The following HSD17B2 variants were observed in gnomAD, a reference collection of about 807,000 sequenced individuals.
HSD17B2 encodes the protein 17-beta-hydroxysteroid dehydrogenase type 2.
In HSD17B2, 32 loss-of-function variants were observed where a neutral mutation model predicts 26.9. That is an observed-to-expected ratio of 1.19 (90% CI 0.90 to 1.60). HSD17B2 has a LOEUF of 1.60. Ranked by LOEUF, HSD17B2 falls within the 40% of genes most tolerant of loss-of-function variation. The pLI is 0.00. For synonymous variants in HSD17B2, 246 were observed against 186.7 expected, an observed-to-expected ratio of 1.32 and a Z score of -2.59; for missense variants, 613 against 468.6, an observed-to-expected ratio of 1.31 and a Z score of -2.85.
At chr16:82,083,977 A>G (rs1303523657) in intron 3 of HSD17B2, among the ~76,000 whole-genome samples, 1 of 152,198 alleles carries the variant, frequency 6.6e-6, no homozygotes, top group African/African-American at 2.4e-5. Flanking sequence ...TTTGAGGCCT[A>G]AAGTCGCCAG....
chr16:82,053,046 C>T (rs971712508), intron 1 of HSD17B2, among the ~76,000 whole-genome samples: 1 of 152,238 alleles, frequency 6.6e-6, no homozygotes, highest in Non-Finnish European at 1.5e-5. Flanking sequence ...CTAATTACCT[C>T]CCAAAGGCTC....
intron 1 of HSD17B2, among the ~76,000 whole-genome samples, chr16:82,064,830 C>G (rs57362890): frequency 1.3e-5 from 2 of 152,204 alleles, no homozygotes; most frequent in African/African-American, 4.8e-5. Context: ...AGCTTTGCCT[C>G]TTGTTACTCT....
chr16:82,061,362 C>G (rs562629004), intron 1 of HSD17B2, among the ~76,000 whole-genome samples: 1 of 152,108 alleles, frequency 6.6e-6, no homozygotes, highest in Non-Finnish European at 1.5e-5. Flanking sequence ...TTTAATCCTT[C>G]GAACAACTCT....
At chr16:82,054,082 C>T (rs1292951847) in intron 1 of HSD17B2, among the ~76,000 whole-genome samples, 1 of 152,070 alleles carries the variant, frequency 6.6e-6, no homozygotes, top group Non-Finnish European at 1.5e-5. Context: ...GCTTGTCTTT[C>T]TCCAAGTCAC....
intron 1 of HSD17B2, among the ~76,000 whole-genome samples, chr16:82,045,327 T>A (rs1913892919): frequency 6.6e-6 from 1 of 152,050 alleles, no homozygotes; most frequent in South Asian, 2.1e-4. Context: ...AGATATACAG[T>A]ATCTAAATGA....
chr16:82,062,844 T>C (rs576064108), intron 1 of HSD17B2, among the ~76,000 whole-genome samples: 1 of 152,306 alleles, frequency 6.6e-6, no homozygotes, highest in Non-Finnish European at 1.5e-5. Context: ...ACAATTATTT[T>C]CCCCTCTCCT....
intron 1 of HSD17B2, among the ~76,000 whole-genome samples, chr16:82,064,119 G>T (rs951526106): frequency 2.0e-5 from 3 of 152,196 alleles, no homozygotes; most frequent in African/African-American, 7.2e-5. Context: ...GTTGTCACCT[G>T]TAGGCTCTTC....
chr16:82,096,196 G>C (rs934828117), intron 4 of HSD17B2: 2 of 151,982 alleles, frequency 1.3e-5, no homozygotes, highest in Admixed American at 6.6e-5. Context: ...TATCCATTAA[G>C]TAGATTAAAT....
intron 1 of HSD17B2, among the ~76,000 whole-genome samples, chr16:82,063,448 G>C (rs1313018306): frequency 6.6e-6 from 1 of 152,078 alleles, no homozygotes; most frequent in Non-Finnish European, 1.5e-5. Context: ...AGGAATAGCA[G>C]GGCTAGACTC....
intron 3 of HSD17B2, chr16:82,072,075 G>T (rs1467717512): frequency 6.6e-6 from 1 of 152,110 alleles, no homozygotes; most frequent in Non-Finnish European, 1.5e-5. Context: ...GGGGTTCTTC[G>T]CATTTCCTAG....
chr16:82,043,728 CTTTA>C (rs1481763466), intron 1 of HSD17B2, among the ~76,000 whole-genome samples: 1 of 131,158 alleles, frequency 7.6e-6, no homozygotes, highest in Non-Finnish European at 1.6e-5. Flanking sequence ...TATAGATAAA[CTTTA>C]TTTCAGACCC....
chr16:82,075,127 G>C (rs1314829710), intron 3 of HSD17B2, among the ~76,000 whole-genome samples: 1 of 151,872 alleles, frequency 6.6e-6, no homozygotes, highest in African/African-American at 2.4e-5. Flanking sequence ...AAATTAAGAA[G>C]GAAATTTAAA....
intron 1 of HSD17B2, among the ~76,000 whole-genome samples, chr16:82,046,144 T>A (rs1913920938): frequency 6.6e-6 from 1 of 152,226 alleles, no homozygotes; most frequent in Non-Finnish European, 1.5e-5. Context: ...ATGTTTTCAG[T>A]ACCAATTGCC....
At chr16:82,095,841 T>C (rs1325960228) in intron 4 of HSD17B2, 1 of 152,234 alleles carries the variant, frequency 6.6e-6, no homozygotes, top group Non-Finnish European at 1.5e-5. Flanking sequence ...CTTTTTGTTT[T>C]TGTTATTTCC....
At chr16:82,086,147 G>C (rs1904521414) in intron 3 of HSD17B2, among the ~76,000 whole-genome samples, 1 of 152,140 alleles carries the variant, frequency 6.6e-6, no homozygotes, top group South Asian at 2.1e-4. Context: ...AGATAGAAAA[G>C]AGGTGTTCAA....
In HSD17B2 at chr16:82,098,071, C is replaced by G; in HGVS notation, c.803-4C>G. ...TCTGACTCTTCCCTTTCCTTTCACC[C>G]CAGATATCGCAGGCACCAGTGACAA... is the stretch of plus-strand genomic sequence containing the variant. On this transcript the variant is annotated splice_region_variant and splice_polypyrimidine_tract_variant and intron_variant, in intron 4 of 4. Transcript: ENST00000199936. The G allele has an allele frequency of 1.2e-6, 2 of 1,605,776 alleles. No individual in the cohort carries two copies. Among genetic ancestry groups the G allele is most frequent in the South Asian group, 1.1e-5 (1 of 89,386 alleles).
chr16:82,060,151 T>C (rs993205771), intron 1 of HSD17B2, among the ~76,000 whole-genome samples: 1 of 152,190 alleles, frequency 6.6e-6, no homozygotes, highest in Admixed American at 6.5e-5. Context: ...GAACAGGCAA[T>C]GTCAACATGA....
intron 1 of HSD17B2, among the ~76,000 whole-genome samples, chr16:82,061,654 G>A (rs1179837857): frequency 6.6e-6 from 1 of 152,154 alleles, no homozygotes; most frequent in Non-Finnish European, 1.5e-5. Flanking sequence ...CAAATTGTAT[G>A]TGTGCTATAA....
intron 1 of HSD17B2, among the ~76,000 whole-genome samples, chr16:82,046,654 T>C (rs8191068): frequency 0.064 from 9,711 of 151,134 alleles, 1,027 homozygotes; most frequent in African/African-American, 0.22. Flanking sequence ...AACCTGGGAG[T>C]CAGATGTTGC....
Sources: allele counts gnomAD v4.1 joint callset (sites outside exome capture counted in the v4.1 genomes callset), GRCh38; gene constraint gnomAD v4.1.1; transcripts MANE v1.5; gene names NCBI Gene and HGNC (gene_info 2026-07-23, HGNC 2026-07-21).